Variants in INPP5A observed in about 807,000 individuals in gnomAD.
INPP5A encodes inositol polyphosphate-5-phosphatase A, also known as 43 kDa inositol polyphosphate 5-phophatase.
Under a neutral mutation model 65.2 loss-of-function variants are expected in INPP5A, and 14 were observed. The ratio of observed to expected loss-of-function variants is 0.21; its 90% CI spans 0.14 to 0.34. The LOEUF is 0.34. Ranked by LOEUF, INPP5A falls within the 10% of genes least tolerant of loss-of-function variation. The pLI is 1.00. For missense variants in INPP5A, 431 were observed against 545.6 expected (o/e 0.79, Z 2.09); for synonymous variants, 207 against 208.3 (o/e 0.99, Z 0.05).
chr10:132,717,949 G>A (rs1485049132), intron 8 of INPP5A, among the ~76,000 whole-genome samples: 5 of 140,822 alleles, frequency 3.6e-5, no homozygotes, highest in South Asian at 2.4e-4. Flanking sequence ...GCTGTCTTGC[G>A]GGTTCTGTGG....
chr10:132,655,552 G>A (rs923036622), intron 4 of INPP5A, among the ~76,000 whole-genome samples: 11 of 152,228 alleles, frequency 7.2e-5, no homozygotes, highest in Non-Finnish European at 1.2e-4. Flanking sequence ...GCCAGAGGAC[G>A]CAGGGTAACG....
intron 4 of INPP5A, among the ~76,000 whole-genome samples, chr10:132,665,969 C>T (rs951352571): frequency 6.6e-6 from 1 of 150,802 alleles, no homozygotes; most frequent in Non-Finnish European, 1.5e-5. Flanking sequence ...GCTGGAGGAT[C>T]GTGTGAGCCT....
chr10:132,605,901 G>A (rs1224816353), intron 1 of INPP5A, among the ~76,000 whole-genome samples: 1 of 152,148 alleles, frequency 6.6e-6, no homozygotes, highest in African/African-American at 2.4e-5. Flanking sequence ...CAGCAAACAC[G>A]GATGTCTTTG....
chr10:132,634,337 T>C lies in INPP5A; in HGVS notation c.118-11531T>C, dbSNP rs546391448. Among the ~76,000 whole-genome samples, 1,315 of 139,880 alleles carry C rather than the reference T, an allele frequency of 9.4e-3. 24 individuals carry two copies. Among genetic ancestry groups the C allele is most frequent in the African/African-American group, 0.039 (1,232 of 31,456 alleles). 91.8% of individuals were successfully genotyped at this position (139,880 alleles called of 152,430 possible). A position where few individuals can be genotyped will look rare whatever the true frequency, so the allele number is the denominator to read the frequency against. ...CGGAGAGGCGTATCATCTCCCTTGG[T>C]GGGTGTGCCCCGGAGAGGCGTATCA... On this transcript the variant is annotated intron_variant, in intron 2 of 15. Coordinates refer to ENST00000368594, the MANE Select transcript of INPP5A (RefSeq NM_005539.5).
In INPP5A at chr10:132,627,045, C is replaced by A. The variant is rs1469919674; in HGVS notation, c.118-18823C>A. Among the ~76,000 whole-genome samples, 1 of 152,018 alleles carries A rather than the reference C, an allele frequency of 6.6e-6. No individual in the cohort carries two copies. Among genetic ancestry groups the A allele is most frequent in the Non-Finnish European group, 1.5e-5 (1 of 68,002 alleles). On this transcript the variant is annotated intron_variant, in intron 2 of 15. Coordinates refer to ENST00000368594, the MANE Select transcript of INPP5A (RefSeq NM_005539.5). This position sits in a 1 kb window ranked among gnomAD's most constrained non-coding sequence, Gnocchi z 6.6. ...GGTGATGGGGTGAGATGAGGTTATG[C>A]GGTGGGCCCCCCGGATGGGATGGGT...
At chr10:132,577,980 T>C (rs1289052770) in intron 1 of INPP5A, among the ~76,000 whole-genome samples, 2 of 152,218 alleles carry the variant, frequency 1.3e-5, no homozygotes, top group East Asian at 1.9e-4. Flanking sequence ...CTGGTATTTC[T>C]TGGGTTATTT....
At position 132,616,346 on chromosome 10, in the gene INPP5A, G is replaced by T. The variant is rs772641835; in HGVS notation, c.117+8390G>T. Among the ~76,000 whole-genome samples the T allele has an allele frequency of 6.6e-6, 1 of 152,112 alleles. No homozygotes were observed. The highest frequency in any genetic ancestry group is 1.5e-5 in the Non-Finnish European group (1 of 68,002). On this transcript the variant is annotated intron_variant, in intron 2 of 15. Transcript: ENST00000368594. The surrounding 1 kb of genome is among the most constrained non-coding windows in gnomAD (Gnocchi z 4.9). ...GGCGTGCAGGGACGCCGTGGGCGTGGTGTGGGGCACGTGGCGTGCGGGGAC... is the reference window on the plus strand; with the variant it reads ...GGCGTGCAGGGACGCCGTGGGCGTGTTGTGGGGCACGTGGCGTGCGGGGAC...
Position 132,678,211 on chromosome 10 carries a change from G to T in INPP5A, c.307-12181G>T, listed in dbSNP as rs1302673966. Among the ~76,000 whole-genome samples, 2 of 152,226 alleles carry T rather than the reference G, an allele frequency of 1.3e-5. No individual in the cohort carries two copies. The highest frequency in any genetic ancestry group is 4.8e-5 in the African/African-American group (2 of 41,454). Reference sequence around the variant, plus strand: ...TCACAGCCCCCCGTATGCTGCCTGGGGGTGGCACTGGGGGAAGTGGGCAGT... The same window carrying T: ...TCACAGCCCCCCGTATGCTGCCTGGTGGTGGCACTGGGGGAAGTGGGCAGT... On this transcript the variant is annotated intron_variant, in intron 4 of 15. Coordinates refer to ENST00000368594, the MANE Select transcript of INPP5A (RefSeq NM_005539.5). The surrounding 1 kb of genome is among the most constrained non-coding windows in gnomAD (Gnocchi z 4.1).
intron 13 of INPP5A, 140 bp downstream of exon 13, chr10:132,777,922 C>G: frequency 1.3e-6 from 2 of 1,485,508 alleles, no homozygotes; most frequent in Admixed American, 2.1e-5. Flanking sequence ...TGACCTCGTG[C>G]TGCCATGAGC....
intron 1 of INPP5A, among the ~76,000 whole-genome samples, chr10:132,593,643 G>C (rs2133317677): frequency 6.6e-6 from 1 of 152,246 alleles, no homozygotes; most frequent in African/African-American, 2.4e-5. Context: ...TGTGGTTTCT[G>C]TTGACAAGTT....
At chr10:132,763,774 CAT>C (rs1247382217) in intron 11 of INPP5A, among the ~76,000 whole-genome samples, 3 of 152,032 alleles carry the variant, frequency 2.0e-5, no homozygotes, top group Non-Finnish European at 4.4e-5. Context: ...CCGTTGCACA[CAT>C]AAACACATGC....
chr10:132,566,203 C>T (rs1401442180), intron 1 of INPP5A, among the ~76,000 whole-genome samples: 1 of 152,088 alleles, frequency 6.6e-6, no homozygotes, highest in Non-Finnish European at 1.5e-5. Flanking sequence ...GAAACTGACT[C>T]CAGAAGAGAG....
chr10:132,738,661 G>A (rs1846220539), intron 9 of INPP5A, among the ~76,000 whole-genome samples: 1 of 152,250 alleles, frequency 6.6e-6, no homozygotes, highest in Non-Finnish European at 1.5e-5. Flanking sequence ...CCCATTCCAT[G>A]CGCGCTGTGT....
At chr10:132,584,455 A>G (rs891972771) in intron 1 of INPP5A, among the ~76,000 whole-genome samples, 1 of 152,202 alleles carries the variant, frequency 6.6e-6, no homozygotes, top group African/African-American at 2.4e-5. Context: ...TTTGTTTTTT[A>G]AGGAATAAAT....
intron 1 of INPP5A, among the ~76,000 whole-genome samples, chr10:132,595,354 A>T (rs1043283362): frequency 3.9e-5 from 6 of 152,210 alleles, no homozygotes; most frequent in Admixed American, 3.3e-4. Context: ...TTTAGAGTAT[A>T]AGTGTCTTCC....
chr10:132,564,524 C>T (rs1411618616), intron 1 of INPP5A, among the ~76,000 whole-genome samples: 1 of 152,132 alleles, frequency 6.6e-6, no homozygotes, highest in Admixed American at 6.5e-5. Flanking sequence ...GGGCTCAGCT[C>T]ACTGTGAGTC....
chr10:132,542,629 C>T (rs1315319409), intron 1 of INPP5A, among the ~76,000 whole-genome samples: 2 of 152,200 alleles, frequency 1.3e-5, no homozygotes, highest in African/African-American at 2.4e-5. Flanking sequence ...GCCTCTGCCC[C>T]AGCACTCCTG....
At chr10:132,703,759 A>AC (rs1422888012) in intron 6 of INPP5A, among the ~76,000 whole-genome samples, 21 of 19,338 alleles carry the variant, frequency 1.1e-3, no homozygotes, top group East Asian at 0.01. Flanking sequence ...GTACGGCTTC[A>AC]CCCCCCCCAC....
chr10:132,728,681 G>T (rs1406416606), intron 9 of INPP5A, among the ~76,000 whole-genome samples: 1 of 152,264 alleles, frequency 6.6e-6, no homozygotes, highest in East Asian at 1.9e-4. Context: ...GACCAAAGCC[G>T]ATCAATCCCG....
Sources: gnomAD v4.1 joint callset for allele counts (sites outside exome capture counted in the v4.1 genomes callset) on GRCh38, gnomAD v4.1.1 for gene constraint, Gnocchi (gnomAD v3.1) non-coding constraint, MANE v1.5 for transcripts, NCBI Gene and HGNC (gene_info 2026-07-23, HGNC 2026-07-21) for gene names.